The following CC2D2A variants were observed in gnomAD, a reference collection of about 807,000 sequenced individuals.
CC2D2A encodes the protein coiled-coil and C2 domain containing 2A.
A neutral mutation model predicts 212.9 loss-of-function variants in CC2D2A; 155 were observed. The ratio of observed to expected loss-of-function variants is 0.73; its 90% CI spans 0.64 to 0.83. The LOEUF (loss-of-function observed/expected upper bound fraction) is 0.83. Among genes scored for constraint, CC2D2A ranks in the 40% least tolerant of loss-of-function variants. The pLI, the probability that CC2D2A is intolerant of heterozygous loss-of-function variation, is 0.00. For missense variants in CC2D2A, 1,856 were observed against 1,956.2 expected, an observed-to-expected ratio of 0.95 and a Z score of 0.97; for synonymous variants, 667 against 686.5, an observed-to-expected ratio of 0.97 and a Z score of 0.44.
At chr4:15,497,125 A>G (rs1228697720) in intron 4 of CC2D2A, among the ~76,000 whole-genome samples, 2 of 152,248 alleles carry the variant, frequency 1.3e-5, no homozygotes, top group African/African-American at 2.4e-5. Context: ...AGCAAAAAGA[A>G]GAAAGCTGGA....
intron 26 of CC2D2A, among the ~76,000 whole-genome samples, chr4:15,568,244 T>G (rs545847644): frequency 1.3e-5 from 2 of 152,386 alleles, no homozygotes; most frequent in South Asian, 4.1e-4. Context: ...ATTTCAGTAC[T>G]TGAAGCAACC....
chr4:15,502,837 G>A lies in CC2D2A; in HGVS notation c.352G>A (p.Ala118Thr), dbSNP rs1214212437. The change falls in exon 6 of 37, where the codon GCA (alanine) becomes ACA (threonine). Residue 118 changes from alanine to threonine, a missense_variant. Physicochemically the swap from Ala to Thr is moderately conservative, Grantham distance 58. This residue lies in a region of CC2D2A where 1,512 missense variants were observed against 1,579.3 expected (regional missense o/e 0.96). Coordinates refer to ENST00000424120, the MANE Select transcript of CC2D2A (RefSeq NM_001378615.1). ...GACTTTTTAGTCCAAAGCAGAAAGTGCATTGCTGCAGGAAATCCCCACTCC... is the reference window on the plus strand; with the variant it reads ...GACTTTTTAGTCCAAAGCAGAAAGTACATTGCTGCAGGAAATCCCCACTCC... ...LQAARSKAES[A>T]LLQEIPTPRP... 3.7e-6 allele frequency: 6 copies of A among 1,610,406 alleles called. No homozygotes were observed. Among genetic ancestry groups the A allele is most frequent in the Non-Finnish European group, 5.1e-6 (6 of 1,178,410 alleles).
rs200269652 is a variant in CC2D2A, at chr4:15,580,069, T to C, written c.3873T>C (p.Ile1291=). ...FPNRQCLTTV[I]DISGKTVFIT... ...ATCGTCAGTGCCTTACAACAGTAATTGATATAAGCGGAAAAACTGTTTTTA... is the reference window on the plus strand; with the variant it reads ...ATCGTCAGTGCCTTACAACAGTAATCGATATAAGCGGAAAAACTGTTTTTA... The change falls in exon 30 of 37, where the codon ATT becomes ATC. Residue 1291 remains isoleucine (I), a synonymous_variant. Coordinates refer to ENST00000424120, the MANE Select transcript of CC2D2A (RefSeq NM_001378615.1). 4 of 1,613,854 alleles carry C rather than the reference T, an allele frequency of 2.5e-6. No individual in the cohort carries two copies. The highest frequency in any genetic ancestry group is 2.2e-5 in the East Asian group (1 of 44,878).
At chr4:15,599,990 A>G (rs192582618) in intron 36 of CC2D2A, among the ~76,000 whole-genome samples, 2 of 152,324 alleles carry the variant, frequency 1.3e-5, no homozygotes, top group East Asian at 3.9e-4. Context: ...GTTAGACACA[A>G]CTGTGCATAA....
rs371759616 is a variant in CC2D2A, at chr4:15,516,798, A to G, written c.1149+42A>G. 1.9e-5 allele frequency: 31 copies of G among 1,590,100 alleles called. No homozygotes were observed. In the African/African-American group the frequency reaches 3.4e-4, roughly 17 times the overall value. On this transcript the variant is annotated intron_variant, in intron 11 of 36. Coordinates refer to ENST00000424120, the MANE Select transcript of CC2D2A (RefSeq NM_001378615.1). ...CTCCACTTTTATTAAATGAAATTGA[A>G]AGTGCTTTGCTTTCTGAATAGCTTG...
intron 29 of CC2D2A, among the ~76,000 whole-genome samples, chr4:15,575,633 T>C (rs1438012714): frequency 9.2e-5 from 14 of 152,224 alleles, no homozygotes. Context: ...ATATCATCAC[T>C]ATCTCCCATC....
At chr4:15,554,729 G>A (rs1719192442) in intron 19 of CC2D2A, among the ~76,000 whole-genome samples, 1 of 152,204 alleles carries the variant, frequency 6.6e-6, no homozygotes, top group Non-Finnish European at 1.5e-5. Context: ...AGCTATAGTG[G>A]GCCCCAGTGG....
intron 36 of CC2D2A, among the ~76,000 whole-genome samples, chr4:15,600,572 T>C (rs535054568): frequency 6.6e-6 from 1 of 152,254 alleles, no homozygotes; most frequent in Non-Finnish European, 1.5e-5. Context: ...CTTTGATCAC[T>C]TGCCCATCCC....
intron 31 of CC2D2A, 21 bp from the exon 32 acceptor site, chr4:15,587,795 A>T (rs772188058): frequency 5.3e-5 from 70 of 1,318,994 alleles, no homozygotes; most frequent in Non-Finnish European, 7.2e-5. Context: ...ATACAACATA[A>T]TTTTTTTTTC....
chr4:15,554,968 G>A (rs893177708), intron 19 of CC2D2A, 104 bp from the exon 20 acceptor site: 17 of 1,123,732 alleles, frequency 1.5e-5, no homozygotes, highest in African/African-American at 6.3e-5. Context: ...TTCTCTCATG[G>A]AGGATAATAG....
Position 15,540,868 on chromosome 4 carries a change from A to C in CC2D2A, c.2035A>C (p.Lys679Gln), listed in dbSNP as rs755042919. 1 of 1,600,916 alleles carries C rather than the reference A, an allele frequency of 6.2e-7. No homozygotes were observed. Among genetic ancestry groups the C allele is most frequent in the Non-Finnish European group, 8.5e-7 (1 of 1,173,556 alleles). The part of the protein sequence containing the change: ...AEVSRREDVK[K>Q]RSVYLKVLFN... Reference sequence around the variant, plus strand: ...GGTCTCGAGAAGGGAGGATGTAAAGAAGCGCTCAGTGTACTTAAAAGTGCT... The same window carrying C: ...GGTCTCGAGAAGGGAGGATGTAAAGCAGCGCTCAGTGTACTTAAAAGTGCT... The change falls in exon 17 of 37, where the codon AAG (lysine) becomes CAG (glutamine). Residue 679 changes from lysine (K) to glutamine (Q), a missense_variant. By Grantham distance (53) the Lys-to-Gln change is moderately conservative. This residue lies in a region of CC2D2A where 1,512 missense variants were observed against 1,579.3 expected (regional missense o/e 0.96). Transcript: ENST00000424120.
chr4:15,587,240 C>T (rs923238761), intron 31 of CC2D2A, among the ~76,000 whole-genome samples: 1 of 152,188 alleles, frequency 6.6e-6, no homozygotes, highest in Middle Eastern at 3.2e-3. Context: ...CTAATGCCCC[C>T]ACTGATGTGA....
intron 3 of CC2D2A, 145 bp downstream of exon 3, chr4:15,478,951 G>A (rs1714428108): frequency 7.1e-6 from 5 of 706,514 alleles, no homozygotes; most frequent in Admixed American, 2.5e-5. Context: ...GTGAGGCGGG[G>A]ATGCAGATGG....
chr4:15,480,073 A>G (rs910347729), intron 3 of CC2D2A, among the ~76,000 whole-genome samples: 3 of 152,226 alleles, frequency 2.0e-5, no homozygotes, highest in Non-Finnish European at 1.5e-5. Flanking sequence ...TGTGCTTTCT[A>G]CAGTGACTCA....
intron 6 of CC2D2A, among the ~76,000 whole-genome samples, chr4:15,509,824 G>A (rs761909388): frequency 3.3e-5 from 5 of 152,146 alleles, no homozygotes; most frequent in African/African-American, 4.8e-5. Flanking sequence ...AACCTGAAGA[G>A]CATGTTACTT....
chr4:15,590,725 T>G (rs1721064972), intron 33 of CC2D2A, among the ~76,000 whole-genome samples: 1 of 152,196 alleles, frequency 6.6e-6, no homozygotes, highest in Non-Finnish European at 1.5e-5. Context: ...TAACAACTCT[T>G]TAATTATTTT....
chr4:15,551,069 G>A (rs1464412477), intron 18 of CC2D2A, 89 bp downstream of exon 18: 15 of 1,138,692 alleles, frequency 1.3e-5, no homozygotes, highest in Admixed American at 2.9e-5. Context: ...GACAACCATA[G>A]AATTATAAAA....
intron 11 of CC2D2A, chr4:15,519,490 T>G (rs1202147314): frequency 2.2e-6 from 1 of 448,346 alleles, no homozygotes; most frequent in Non-Finnish European, 4.5e-6. Flanking sequence ...TCCACATTTT[T>G]GGGTATCTTT....
Position 15,578,475 on chromosome 4 carries a change from A to G in CC2D2A, c.3772-1493A>G, listed in dbSNP as rs371618198. On this transcript the variant is annotated intron_variant, in intron 29 of 36. Coordinates refer to ENST00000424120, the MANE Select transcript of CC2D2A (RefSeq NM_001378615.1). ...CCTCATTCATTCACTCATTTGTTAA[A>G]TACTTACTATGTGCCAAGTAGTATT... Among the ~76,000 whole-genome samples the G allele has an allele frequency of 3.3e-5, 5 of 152,356 alleles. No individual in the cohort carries two copies. In the East Asian group the frequency reaches 5.8e-4, roughly 18 times the overall value.
Sources: allele counts gnomAD v4.1 joint callset (sites outside exome capture counted in the v4.1 genomes callset), GRCh38; gene constraint gnomAD v4.1.1; regional missense constraint gnomAD v4.1.1; transcripts MANE v1.5; gene names NCBI Gene and HGNC (gene_info 2026-07-23, HGNC 2026-07-21).